The following CCDC73 variants were observed in gnomAD, a reference collection of about 807,000 sequenced individuals.
The protein encoded by CCDC73 is coiled-coil domain containing 73, also known as coiled-coil domain-containing protein 73.
A neutral mutation model predicts 116.5 loss-of-function variants in CCDC73; 95 were observed. The ratio of observed to expected loss-of-function variants is 0.82; its 90% CI spans 0.69 to 0.97. CCDC73 has a LOEUF of 0.97. Ranked by LOEUF, CCDC73 falls within the 50% of genes least tolerant of loss-of-function variation. The probability of loss-of-function intolerance (pLI) is 0.00; values close to 1 mark genes in which losing one functional copy is unlikely to be tolerated. For synonymous variants in CCDC73, 398 were observed against 401.3 expected (o/e 0.99, Z 0.10); for missense variants, 1,066 against 1,206.8 (o/e 0.88, Z 1.73).
At chr11:32,785,568 A>AT (rs1358089912) in intron 1 of CCDC73, among the ~76,000 whole-genome samples, 1 of 151,710 alleles carries the variant, frequency 6.6e-6, no homozygotes, top group African/African-American at 2.4e-5. Context: ...TACCCAGTGA[A>AT]TTTTTTATTT....
chr11:32,704,123 C>G (rs534311884), intron 3 of CCDC73, among the ~76,000 whole-genome samples: 2 of 152,234 alleles, frequency 1.3e-5, no homozygotes, highest in Non-Finnish European at 2.9e-5. Context: ...AGCAGGAGCC[C>G]TGTGCCCTAC....
At chr11:32,730,810 A>C (rs576344162) in intron 2 of CCDC73, among the ~76,000 whole-genome samples, 1 of 152,338 alleles carries the variant, frequency 6.6e-6, no homozygotes, top group African/African-American at 2.4e-5. Flanking sequence ...AAGAAGGACA[A>C]ATAGGAATAG....
chr11:32,645,589 A>T (rs1855771665), intron 12 of CCDC73, among the ~76,000 whole-genome samples: 1 of 151,608 alleles, frequency 6.6e-6, no homozygotes, highest in Admixed American at 6.6e-5. Context: ...ACGCCTGGCC[A>T]ACTTTTTTTT....
chr11:32,829,145 G>A, the CCDC73 span, among the ~76,000 whole-genome samples: 2 of 152,162 alleles, frequency 1.3e-5, no homozygotes, highest in South Asian at 2.1e-4. Context: ...CACAAGTACT[G>A]AGAACAAATT....
intron 14 of CCDC73, among the ~76,000 whole-genome samples, chr11:32,623,556 G>A (rs1020030315): frequency 2.0e-5 from 3 of 152,114 alleles, no homozygotes; most frequent in African/African-American, 4.8e-5. Flanking sequence ...GTCTCACTAT[G>A]TTCTCCAGAC....
In CCDC73 at chr11:32,760,791, A is replaced by G. The variant is rs1590634399; in HGVS notation, c.-15-533T>C. Among the ~76,000 whole-genome samples, 3 of 152,344 alleles carry G rather than the reference A, an allele frequency of 2.0e-5. No homozygotes were observed. The East Asian group carries it at 5.8e-4, about 29-fold the overall frequency. Reference sequence around the variant, plus strand: ...CTTTTCAACTTTTCAGTATGAAACAATGATCAATTCACAGGTAGTTGCAAA... The same window carrying G: ...CTTTTCAACTTTTCAGTATGAAACAGTGATCAATTCACAGGTAGTTGCAAA... On this transcript the variant is annotated intron_variant, in intron 1 of 17. Coordinates refer to ENST00000335185, the MANE Select transcript of CCDC73 (RefSeq NM_001008391.4).
intron 14 of CCDC73, among the ~76,000 whole-genome samples, chr11:32,622,548 A>C (rs948775721): frequency 1.3e-5 from 2 of 152,036 alleles, no homozygotes; most frequent in African/African-American, 2.4e-5. Context: ...ATCAGGACAA[A>C]TAGCTAATGC....
intron 9 of CCDC73, among the ~76,000 whole-genome samples, chr11:32,667,620 G>A (rs575028868): frequency 6.0e-4 from 92 of 152,148 alleles, no homozygotes; most frequent in Non-Finnish European, 8.4e-4. Context: ...CTGGTGAGGC[G>A]ATGCCTCGCC....
At chr11:32,709,910 TA>T (rs1326960437) in intron 3 of CCDC73, among the ~76,000 whole-genome samples, 2 of 152,238 alleles carry the variant, frequency 1.3e-5, no homozygotes, top group Non-Finnish European at 2.9e-5. Flanking sequence ...AGAGTTTCTA[TA>T]TCTTCCTGGT....
chr11:32,655,857 T>C (rs148085110), intron 9 of CCDC73, among the ~76,000 whole-genome samples: 373 of 152,344 alleles, frequency 2.4e-3, no homozygotes, highest in Middle Eastern at 6.8e-3. Context: ...CACATGTTCA[T>C]TGAGTTTAGC....
At chr11:32,649,493 A>G (rs1248968585) in intron 12 of CCDC73, among the ~76,000 whole-genome samples, 1 of 152,234 alleles carries the variant, frequency 6.6e-6, no homozygotes, top group Middle Eastern at 3.2e-3. Flanking sequence ...ATGATTGCAG[A>G]GCACTGAAAA....
At chr11:32,734,053 G>C (rs776905063) in intron 2 of CCDC73, among the ~76,000 whole-genome samples, 13 of 152,016 alleles carry the variant, frequency 8.6e-5, no homozygotes, top group Non-Finnish European at 1.8e-4. Flanking sequence ...AAGGAGAGAA[G>C]AATCAAATAG....
intron 9 of CCDC73, among the ~76,000 whole-genome samples, chr11:32,672,063 T>C (rs1171464933): frequency 1.3e-5 from 2 of 152,126 alleles, no homozygotes; most frequent in African/African-American, 2.4e-5. Context: ...AGAAATATAA[T>C]AGGCAGGCCA....
At chr11:32,769,183 G>C (rs1850471010) in intron 1 of CCDC73, among the ~76,000 whole-genome samples, 1 of 152,142 alleles carries the variant, frequency 6.6e-6, no homozygotes, top group South Asian at 2.1e-4. Context: ...CTTTATCTGT[G>C]TAACAAACCT....
chr11:32,763,809 C>G (rs1175642062), intron 1 of CCDC73, among the ~76,000 whole-genome samples: 1 of 152,090 alleles, frequency 6.6e-6, no homozygotes, highest in Non-Finnish European at 1.5e-5. Context: ...GATGATCAAA[C>G]TTCTCCAAGC....
chr11:32,665,041 GTTC>G (rs1855967430), intron 9 of CCDC73, among the ~76,000 whole-genome samples: 1 of 152,134 alleles, frequency 6.6e-6, no homozygotes, highest in Non-Finnish European at 1.5e-5. Flanking sequence ...TATAATTTCT[GTTC>G]TTCTACATTT....
intron 17 of CCDC73, chr11:32,605,842 T>C (rs2133211214): frequency 6.6e-6 from 1 of 152,358 alleles, no homozygotes; most frequent in East Asian, 1.9e-4. Flanking sequence ...GTATCTTCGT[T>C]CTTTCGTCTC....
intron 14 of CCDC73, among the ~76,000 whole-genome samples, chr11:32,623,339 C>A (rs1855539991): frequency 6.6e-6 from 1 of 151,944 alleles, no homozygotes; most frequent in African/African-American, 2.4e-5. Flanking sequence ...GGGGCAAAGC[C>A]AGACTGCCCT....
chr11:32,715,369 T>G (rs533750332), intron 3 of CCDC73, among the ~76,000 whole-genome samples: 8 of 152,292 alleles, frequency 5.3e-5, no homozygotes, highest in African/African-American at 1.9e-4. Flanking sequence ...CAAACTTTTC[T>G]TTAGTGTTTT....
Sources: gnomAD v4.1 joint callset for allele counts (sites outside exome capture counted in the v4.1 genomes callset) on GRCh38, gnomAD v4.1.1 for gene constraint, MANE v1.5 for transcripts, NCBI Gene and HGNC (gene_info 2026-07-23, HGNC 2026-07-21) for gene names.